The following THADA variants were observed in gnomAD, a reference collection of about 807,000 sequenced individuals.
THADA encodes THADA armadillo repeat containing.
Under a neutral mutation model 219.8 loss-of-function variants are expected in THADA, and 213 were observed. That is an observed-to-expected ratio of 0.97 (90% CI 0.87 to 1.09). The LOEUF is 1.09. THADA is among the 50% of genes least tolerant of loss of function. THADA has a pLI of 0.00. For synonymous variants in THADA, 1,018 were observed against 828.9 expected (o/e 1.23, Z -3.92); for missense variants, 2,956 against 2,311.3 (o/e 1.28, Z -5.72).
intron 22 of THADA, among the ~76,000 whole-genome samples, chr2:43,521,171 G>GGGAA (rs1692423019): frequency 6.6e-6 from 1 of 150,542 alleles, no homozygotes; most frequent in African/African-American, 2.4e-5. Flanking sequence ...AAGGAAAGGA[G>GGGAA]GGAGGGAGGG....
chr2:43,571,749 C>T lies in THADA; in HGVS notation c.2022G>A (p.Gln674=), dbSNP rs541566460. The change falls in exon 13 of 38, where the codon CAG becomes CAA. Residue 674 remains glutamine, a synonymous_variant. Coordinates refer to ENST00000405975, the MANE Select transcript of THADA (RefSeq NM_022065.5). The part of the protein sequence containing the change: ...QFFITYNLNS[Q]SPGVRQQICS... ...AGATCTGTTGCCGCACTCCTGGAGACTGGCTGTTAAGATTGTATGTAATAA... is the reference window on the plus strand; with the variant it reads ...AGATCTGTTGCCGCACTCCTGGAGATTGGCTGTTAAGATTGTATGTAATAA... The T allele has an allele frequency of 1.2e-6, 2 of 1,613,934 alleles. No homozygotes were observed. Among genetic ancestry groups the T allele is most frequent in the South Asian group, 2.2e-5 (2 of 91,080 alleles).
intron 29 of THADA, among the ~76,000 whole-genome samples, chr2:43,383,689 C>G (rs1199222777): frequency 6.6e-6 from 1 of 152,176 alleles, no homozygotes; most frequent in African/African-American, 2.4e-5. Flanking sequence ...GCATTTCTAA[C>G]CAGTTCTAAG....
chr2:43,440,196 C>T (rs7563876), intron 26 of THADA, among the ~76,000 whole-genome samples: 108,917 of 152,034 alleles, frequency 0.72, 39,214 homozygotes, highest in Admixed American at 0.77. Context: ...CAAATAATCA[C>T]ATTATATACA....
At chr2:43,438,702 G>GT (rs1680458065) in intron 26 of THADA, among the ~76,000 whole-genome samples, 1 of 152,124 alleles carries the variant, frequency 6.6e-6, no homozygotes, top group South Asian at 2.1e-4. Context: ...CATTACAGTA[G>GT]TCCCCCCCTT....
At chr2:43,538,401 T>C (rs1694879304) in intron 21 of THADA, 1 of 152,294 alleles carries the variant, frequency 6.6e-6, no homozygotes, top group East Asian at 1.9e-4. Context: ...ATTATGTGAT[T>C]ACAGTGAAGG....
chr2:43,576,311 G>A (rs996627998), intron 10 of THADA, among the ~76,000 whole-genome samples: 2 of 152,070 alleles, frequency 1.3e-5, no homozygotes, highest in Admixed American at 1.3e-4. Context: ...TCATATACAT[G>A]ATCACTTTCA....
In THADA at chr2:43,231,183, G is replaced by T. The variant is rs1667370107; in HGVS notation, c.5627C>A (p.Ser1876Ter). 2 of 1,613,722 alleles carry T rather than the reference G, an allele frequency of 1.2e-6. No homozygotes were observed. The highest frequency in any genetic ancestry group is 1.7e-6 in the Non-Finnish European group (2 of 1,179,818). ...CTGAGACAGGAGGTGGCACTGCTCT[G>T]ACACCATCCTTTGAAGGTGACAGAG... ...EMLCHLQRMV[S>*]EQCHLLSQFF... is the part of the protein sequence containing the mutation. Residue 1876 changes from serine (S) to a stop codon, truncating the protein, a stop_gained, in exon 38 of 38, where the codon TCA (serine) becomes TAA (stop). Coordinates refer to ENST00000405975, the MANE Select transcript of THADA (RefSeq NM_022065.5). LOFTEE classifies it high-confidence loss of function.
intron 28 of THADA, among the ~76,000 whole-genome samples, chr2:43,402,132 G>C (rs1374561963): frequency 6.6e-6 from 1 of 152,128 alleles, no homozygotes; most frequent in Non-Finnish European, 1.5e-5. Flanking sequence ...ACCTCCTGCT[G>C]CTCCTTTGCA....
At chr2:43,578,415 G>T (rs1305118211) in intron 9 of THADA, 98 bp downstream of exon 9, 3 of 810,696 alleles carry the variant, frequency 3.7e-6, no homozygotes, top group East Asian at 2.9e-5. Context: ...CCAAAGTGTT[G>T]GGATTATAAG....
intron 13 of THADA, among the ~76,000 whole-genome samples, chr2:43,571,081 C>T (rs1360292931): frequency 6.6e-6 from 1 of 152,044 alleles, no homozygotes; most frequent in African/African-American, 2.4e-5. Context: ...CAGAGCAAGA[C>T]ACTATCTCTA....
At chr2:43,569,757 A>C (rs143453690) in intron 14 of THADA, among the ~76,000 whole-genome samples, 308 of 152,296 alleles carry the variant, frequency 2.0e-3, no homozygotes, top group African/African-American at 6.9e-3. Context: ...AGGAGCAAAA[A>C]AGGGTCTGCT....
At chr2:43,235,175 T>C (rs1400559826) in intron 36 of THADA, among the ~76,000 whole-genome samples, 1 of 152,016 alleles carries the variant, frequency 6.6e-6, no homozygotes. Context: ...AGATGGGGTT[T>C]CACCATGTTG....
intron 24 of THADA, 22 bp from the exon 25 acceptor site, chr2:43,498,977 T>C (rs1688606601): frequency 1.9e-6 from 3 of 1,551,180 alleles, no homozygotes; most frequent in African/African-American, 1.4e-5. Flanking sequence ...AGTTCAAAAT[T>C]AGTTGTGGGT....
intron 31 of THADA, among the ~76,000 whole-genome samples, chr2:43,308,698 T>C (rs1677136966): frequency 7.3e-6 from 1 of 136,514 alleles, no homozygotes; most frequent in South Asian, 2.3e-4. Context: ...CAAGACCCTG[T>C]CTCTAGAAAC....
intron 31 of THADA, among the ~76,000 whole-genome samples, chr2:43,316,403 G>GA (rs568144148): frequency 2.0e-5 from 3 of 151,826 alleles, no homozygotes; most frequent in East Asian, 3.9e-4. Context: ...AAATAAACAA[G>GA]AAAAAAAATG....
At chr2:43,375,824 C>T (rs1007722577) in intron 29 of THADA, among the ~76,000 whole-genome samples, 4 of 152,120 alleles carry the variant, frequency 2.6e-5, no homozygotes, top group African/African-American at 9.7e-5. Context: ...AGTGTTAAGA[C>T]AGCAAAGGAA....
At position 43,498,862 on chromosome 2, in the gene THADA, T is replaced by C. The variant is rs766547348; in HGVS notation, c.3715A>G (p.Ile1239Val). The change falls in exon 25 of 38, where the codon ATT (isoleucine) becomes GTT (valine). Residue 1239 changes from isoleucine (I) to valine (V), a missense_variant. By Grantham distance (29) the Ile-to-Val change is conservative. Transcript: ENST00000405975. Reference sequence around the variant, plus strand: ...CAGACCGGTGATGTAAAACCCAGAATTGCAGCCTTAGCTCCATCAGCAACA... The same window carrying C: ...CAGACCGGTGATGTAAAACCCAGAACTGCAGCCTTAGCTCCATCAGCAACA... ...PYVADGAKAAILGFTSPVWAV... is the reference protein window; with the variant it reads ...PYVADGAKAAVLGFTSPVWAV... The C allele has an allele frequency of 3.7e-6, 6 of 1,612,892 alleles. No homozygotes were observed. In the South Asian group the frequency reaches 4.4e-5, roughly 12 times the overall value.
At chr2:43,326,074 T>C (rs1330829748) in intron 30 of THADA, among the ~76,000 whole-genome samples, 2 of 151,874 alleles carry the variant, frequency 1.3e-5, no homozygotes, top group Non-Finnish European at 2.9e-5. Context: ...TTTCCGACTG[T>C]GCATGATTTC....
chr2:43,434,326 G>A (rs183655022), intron 26 of THADA, among the ~76,000 whole-genome samples: 1 of 152,248 alleles, frequency 6.6e-6, no homozygotes, highest in African/African-American at 2.4e-5. Context: ...GCAGGGAAGT[G>A]CTGGGAGGAG....
Sources: allele counts gnomAD v4.1 joint callset (sites outside exome capture counted in the v4.1 genomes callset), GRCh38; gene constraint gnomAD v4.1.1; transcripts MANE v1.5; gene names NCBI Gene and HGNC (gene_info 2026-07-23, HGNC 2026-07-21).